The following KCNK2 variants were observed in gnomAD, a reference collection of about 807,000 sequenced individuals.
The protein encoded by KCNK2 is potassium channel subfamily K member 2.
KCNK2 carries 21 observed loss-of-function variants against 40.5 expected under a neutral mutation model. The observed-to-expected ratio is 0.52, with a 90% CI of 0.37 to 0.75. KCNK2 has a LOEUF of 0.75. KCNK2 is among the 30% of genes least tolerant of loss of function. KCNK2 has a pLI of 0.00. For synonymous variants in KCNK2, 191 were observed against 202.2 expected (o/e 0.94, Z 0.47); for missense variants, 399 against 531.6 (o/e 0.75, Z 2.45).
chr1:215,137,707 A>C (rs888022018), intron 3 of KCNK2, among the ~76,000 whole-genome samples: 33 of 152,210 alleles, frequency 2.2e-4, no homozygotes, highest in African/African-American at 7.7e-4. Context: ...AATGATAATA[A>C]TTGCACTTGC....
At chr1:215,208,416 C>A (rs757868922) in intron 6 of KCNK2, among the ~76,000 whole-genome samples, 2 of 152,056 alleles carry the variant, frequency 1.3e-5, no homozygotes, top group African/African-American at 2.4e-5. Context: ...GGGCTTAATA[C>A]CTTGGTGATG....
At chr1:215,008,154 A>G (rs1000822780) in intron 1 of KCNK2, among the ~76,000 whole-genome samples, 38 of 151,270 alleles carry the variant, frequency 2.5e-4, no homozygotes, top group African/African-American at 8.5e-4. Flanking sequence ...CCATCTGATT[A>G]TAATTTGAAA....
intron 2 of KCNK2, among the ~76,000 whole-genome samples, chr1:215,119,315 A>T (rs1396952720): frequency 1.3e-5 from 2 of 152,222 alleles, no homozygotes; most frequent in Non-Finnish European, 2.9e-5. Flanking sequence ...AGAATGCCAG[A>T]TGGCATTGAG....
Position 215,083,108 on chromosome 1 carries a change from C to CT in KCNK2, c.-278_-277insT, listed in dbSNP as rs1659243752. The CT allele has an allele frequency of 5.9e-6, 3 of 509,554 alleles. No individual in the cohort carries two copies. In the East Asian group the frequency reaches 1.1e-4, roughly 18 times the overall value. 31.6% of individuals were successfully genotyped at this position (509,554 alleles called of 1,614,324 possible). On this transcript the variant is annotated 5_prime_UTR_variant, in exon 1 of 7. Coordinates refer to ENST00000444842, the MANE Select transcript of KCNK2 (RefSeq NM_001017425.3). ...CAGCAGGCGCGCGCGGGGGCGGCGG[C>CT]GCCCAAGCCCAACTTGGCCTCCGCC...
chr1:215,202,439 G>A (rs1665119117), intron 6 of KCNK2, among the ~76,000 whole-genome samples: 1 of 152,142 alleles, frequency 6.6e-6, no homozygotes, highest in Non-Finnish European at 1.5e-5. Context: ...AATAAAACAA[G>A]GCAAGAATTA....
chr1:215,093,439 A>G (rs1659785479), intron 2 of KCNK2, among the ~76,000 whole-genome samples: 1 of 128,358 alleles, frequency 7.8e-6, no homozygotes, highest in African/African-American at 3.0e-5. Context: ...TACATATAAT[A>G]TACATATAAT....
chr1:215,131,474 G>T (rs1661677788), intron 3 of KCNK2, among the ~76,000 whole-genome samples: 2 of 145,106 alleles, frequency 1.4e-5, no homozygotes, highest in African/African-American at 5.0e-5. Flanking sequence ...ATTATATATT[G>T]ATATTAATGT....
At chr1:215,089,961 G>A (rs1415282214) in intron 2 of KCNK2, among the ~76,000 whole-genome samples, 1 of 151,716 alleles carries the variant, frequency 6.6e-6, no homozygotes, top group African/African-American at 2.4e-5. Flanking sequence ...TGAGTAGCTG[G>A]GATTGCAGGC....
At chr1:215,070,165 C>G (rs547994882) in intron 1 of KCNK2, among the ~76,000 whole-genome samples, 1 of 152,042 alleles carries the variant, frequency 6.6e-6, no homozygotes, top group Admixed American at 6.5e-5. Flanking sequence ...AATCCCAGCA[C>G]TTTGGGAGGC....
chr1:215,076,803 CTGAGT>C (rs757696687), intron 1 of KCNK2, among the ~76,000 whole-genome samples: 3 of 152,194 alleles, frequency 2.0e-5, no homozygotes, highest in Non-Finnish European at 2.9e-5. Flanking sequence ...CCCCACAGAG[CTGAGT>C]TATTTGTCAT....
intron 6 of KCNK2, among the ~76,000 whole-genome samples, chr1:215,198,568 A>G (rs577307247): frequency 3.9e-5 from 6 of 152,352 alleles, no homozygotes; most frequent in African/African-American, 1.4e-4. Context: ...TAAATCAATA[A>G]AAGCCAACTA....
At chr1:215,034,615 T>A (rs1183759058) in intron 1 of KCNK2, among the ~76,000 whole-genome samples, 1 of 152,168 alleles carries the variant, frequency 6.6e-6, no homozygotes, top group East Asian at 1.9e-4. Flanking sequence ...CAAGTCATTC[T>A]AATGTCTAGT....
chr1:215,011,228 T>A (rs56069026), intron 1 of KCNK2, among the ~76,000 whole-genome samples: 16,063 of 152,086 alleles, frequency 0.11, 917 homozygotes, highest in Middle Eastern at 0.27. Context: ...TTTTTTGTCT[T>A]TATAGTTTTA....
At chr1:215,212,652 A>G (rs986911433) in intron 6 of KCNK2, among the ~76,000 whole-genome samples, 1 of 152,226 alleles carries the variant, frequency 6.6e-6, no homozygotes, top group Admixed American at 6.5e-5. Flanking sequence ...AAATATAGTT[A>G]CCTTTGATGG....
At chr1:215,081,685 T>C (rs1659159676), upstream of KCNK2, 1 of 152,126 alleles carries the variant, frequency 6.6e-6, no homozygotes, top group East Asian at 1.9e-4. Flanking sequence ...AGAAAAACTC[T>C]AGCAAACAGC....
chr1:215,083,692 T>C (rs1659289887), intron 1 of KCNK2: 2 of 561,716 alleles, frequency 3.6e-6, no homozygotes, highest in South Asian at 4.4e-5. Flanking sequence ...CTTGGGGGAG[T>C]TTCCCATGGA....
chr1:215,006,710 G>A (rs563915925), intron 1 of KCNK2, among the ~76,000 whole-genome samples: 21 of 151,982 alleles, frequency 1.4e-4, no homozygotes, highest in South Asian at 2.1e-4. Flanking sequence ...AATATTTTTT[G>A]AATGCTGAAT....
At chr1:215,011,951 C>T (rs1398948829) in intron 1 of KCNK2, among the ~76,000 whole-genome samples, 1 of 152,050 alleles carries the variant, frequency 6.6e-6, no homozygotes, top group Admixed American at 6.6e-5. Context: ...TTACATTCAT[C>T]CTTCTTGTTG....
At chr1:215,078,947 A>G (rs1251566533), upstream of KCNK2, among the ~76,000 whole-genome samples, 2 of 152,184 alleles carry the variant, frequency 1.3e-5, no homozygotes, top group African/African-American at 4.8e-5. Flanking sequence ...TCATTTTTTA[A>G]TTTTAATTTT....
Sources: allele counts gnomAD v4.1 joint callset (sites outside exome capture counted in the v4.1 genomes callset), GRCh38; gene constraint gnomAD v4.1.1; transcripts MANE v1.5; gene names NCBI Gene and HGNC (gene_info 2026-07-23, HGNC 2026-07-21).